The following CDCA2 variants were observed in gnomAD, a reference collection of about 807,000 sequenced individuals.
The protein encoded by CDCA2 is cell division cycle associated 2, also known as cell division cycle-associated protein 2.
CDCA2 carries 44 observed loss-of-function variants against 67.0 expected under a neutral mutation model. That is an observed-to-expected ratio of 0.66 (90% confidence interval 0.52 to 0.84). The LOEUF (loss-of-function observed/expected upper bound fraction) is 0.84. CDCA2 is among the 40% of genes least tolerant of loss of function. The pLI, the probability that CDCA2 is intolerant of heterozygous loss-of-function variation, is 0.00. For missense variants in CDCA2, 1,253 were observed against 1,203.2 expected (o/e 1.04, Z -0.61); for synonymous variants, 447 against 418.7 (o/e 1.07, Z -0.82).
chr8:25,484,308 A>G, intron 10 of CDCA2, 98 bp downstream of exon 10: 1 of 1,421,380 alleles, frequency 7.0e-7, no homozygotes, highest in South Asian at 1.3e-5. Context: ...ATAATGAGAT[A>G]GACTAAATGA....
chr8:25,469,198 T>C (rs1803054275), intron 6 of CDCA2, among the ~76,000 whole-genome samples: 1 of 152,220 alleles, frequency 6.6e-6, no homozygotes, highest in African/African-American at 2.4e-5. Context: ...ACTTTCTCTG[T>C]CACTTAGATC....
intron 4 of CDCA2, among the ~76,000 whole-genome samples, chr8:25,465,399 A>G (rs1802860460): frequency 6.6e-6 from 1 of 152,234 alleles, no homozygotes; most frequent in Non-Finnish European, 1.5e-5. Context: ...ATAAAAAAAA[A>G]TCTAGATAGA....
intron 14 of CDCA2, among the ~76,000 whole-genome samples, chr8:25,504,562 A>G (rs1804602601): frequency 1.3e-5 from 2 of 152,186 alleles, no homozygotes; most frequent in Non-Finnish European, 2.9e-5. Flanking sequence ...GATTAATAAT[A>G]GACTTGAGGA....
At chr8:25,483,348 G>A (rs368990484) in intron 8 of CDCA2, 51 bp from the exon 9 acceptor site, 42 of 1,211,424 alleles carry the variant, frequency 3.5e-5, no homozygotes, top group East Asian at 7.6e-5. Context: ...TAATGATGAC[G>A]TCTATGTATT....
chr8:25,476,011 C>G (rs1257697762), intron 7 of CDCA2, among the ~76,000 whole-genome samples: 1 of 152,206 alleles, frequency 6.6e-6, no homozygotes, highest in East Asian at 1.9e-4. Flanking sequence ...GGGGAATTCT[C>G]TGTGTGTGGC....
intron 8 of CDCA2, 84 bp downstream of exon 8, chr8:25,480,208 A>T: frequency 9.0e-7 from 1 of 1,114,084 alleles, no homozygotes; most frequent in Non-Finnish European, 1.3e-6. Context: ...GTCATATATC[A>T]TGCTAGTTTA....
At chr8:25,472,669 A>G (rs1288234578) in intron 7 of CDCA2, among the ~76,000 whole-genome samples, 2 of 152,128 alleles carry the variant, frequency 1.3e-5, no homozygotes, top group Non-Finnish European at 2.9e-5. Context: ...TCAACAGATA[A>G]TTTTATAGTG....
In CDCA2 at chr8:25,479,974, G is replaced by A. The variant is rs376203746; in HGVS notation, c.882G>A (p.Thr294=). The change falls in exon 8 of 15, where the codon ACG becomes ACA. Residue 294 remains threonine (T), a synonymous_variant. Transcript: ENST00000330560. ...CAAGTGATGCCGTTTCGCCTGACACGTTCACAGCAGAAGTGAGCTCAGACG... is the reference window on the plus strand; with the variant it reads ...CAAGTGATGCCGTTTCGCCTGACACATTCACAGCAGAAGTGAGCTCAGACG... ...KGSSDAVSPD[T]FTAEVSSDAV... is the part of the protein sequence containing the mutation. The A allele has an allele frequency of 2.7e-5, 43 of 1,614,008 alleles. No homozygotes were observed. The highest frequency in any genetic ancestry group is 3.3e-5 in the Non-Finnish European group (39 of 1,180,046).
rs1803879311 is a variant in CDCA2, at chr8:25,488,687, C to T, written c.1669C>T (p.Gln557Ter). The change falls in exon 13 of 15, where the codon CAG becomes TAG. Residue 557 changes from glutamine to a stop codon, truncating the protein, a stop_gained and splice_region_variant. Transcript: ENST00000330560. LOFTEE classifies it high-confidence loss of function. Reference protein sequence around the residue: ...CTKRALPKKSQVLKSCRKKKG... With the variant: ...CTKRALPKKS ...AAAGAGAGCACTTCCTAAGAAGAGTCAGGTAAGCATGTGTTTAAAGATATA... is the reference window on the plus strand; with the variant it reads ...AAAGAGAGCACTTCCTAAGAAGAGTTAGGTAAGCATGTGTTTAAAGATATA... The T allele has an allele frequency of 6.2e-7, 1 of 1,601,518 alleles. No individual in the cohort carries two copies. The highest frequency in any genetic ancestry group is 1.3e-5 in the African/African-American group (1 of 74,156).
intron 13 of CDCA2, among the ~76,000 whole-genome samples, chr8:25,489,469 C>A (rs1223568452): frequency 1.3e-5 from 2 of 152,158 alleles, no homozygotes; most frequent in Non-Finnish European, 2.9e-5. Flanking sequence ...GATCCTTTTC[C>A]TTCCACCTCA....
chr8:25,480,166 T>C (rs754829855), intron 8 of CDCA2, 42 bp downstream of exon 8: 5 of 1,505,768 alleles, frequency 3.3e-6, no homozygotes, highest in Non-Finnish European at 4.6e-6. Flanking sequence ...TGAATAAAAA[T>C]GCATTTTGCT....
intron 3 of CDCA2, among the ~76,000 whole-genome samples, chr8:25,460,928 A>G (rs1405965139): frequency 3.3e-5 from 5 of 152,172 alleles, no homozygotes; most frequent in Non-Finnish European, 7.3e-5. Flanking sequence ...TTTAAGAGCA[A>G]TTAAGAAAAT....
At chr8:25,495,107 A>C (rs561413447) in intron 13 of CDCA2, among the ~76,000 whole-genome samples, 1 of 152,356 alleles carries the variant, frequency 6.6e-6, no homozygotes, top group East Asian at 1.9e-4. Context: ...AGTAGAGTAC[A>C]CATATAGTTT....
chr8:25,461,781 A>G (rs1282765481), intron 3 of CDCA2, among the ~76,000 whole-genome samples: 1 of 152,234 alleles, frequency 6.6e-6, no homozygotes, highest in East Asian at 1.9e-4. Context: ...ACAAAAATGA[A>G]AACTTAAAAT....
chr8:25,459,998 T>C (rs1364856144), intron 1 of CDCA2, among the ~76,000 whole-genome samples: 1 of 152,232 alleles, frequency 6.6e-6, no homozygotes, highest in Admixed American at 6.5e-5. Flanking sequence ...AGATAATGGC[T>C]ACCTCATTTA....
At chr8:25,470,964 A>G (rs375909176) in intron 7 of CDCA2, among the ~76,000 whole-genome samples, 1 of 152,090 alleles carries the variant, frequency 6.6e-6, no homozygotes, top group East Asian at 1.9e-4. Flanking sequence ...ATTTTGCCAC[A>G]TTGGCCAGGC....
At chr8:25,468,190 C>A in intron 5 of CDCA2, 27 bp from the exon 6 acceptor site, 3 of 1,254,482 alleles carry the variant, frequency 2.4e-6, no homozygotes, top group South Asian at 1.6e-5. Flanking sequence ...ATGCCTGTGT[C>A]GTTTTGTTTT....
Position 25,483,476 on chromosome 8 carries a change from G to GA in CDCA2, c.1113dup (p.Glu372ArgfsTer5). ...CAAATCTCCCAAACTGTTGCAAAGA[G>GA]AAAGAAGCAGGTAAGAAATTCATAC... On this transcript the variant is annotated frameshift_variant, in exon 9 of 15. Transcript: ENST00000330560. LOFTEE classifies it high-confidence loss of function. 1 of 1,609,066 alleles carries GA rather than the reference G, an allele frequency of 6.2e-7. No individual in the cohort carries two copies. The highest frequency in any genetic ancestry group is 1.3e-5 in the African/African-American group (1 of 74,842).
Position 25,469,892 on chromosome 8 carries a change from C to G in CDCA2, c.736-4C>G. ...ATGTAATACTCTTTCAATTTTTCCC[C>G]AAGATATCATCTAAACTTGGTTCAA... On this transcript the variant is annotated splice_polypyrimidine_tract_variant and splice_region_variant and intron_variant, in intron 6 of 14. Coordinates refer to ENST00000330560, the MANE Select transcript of CDCA2 (RefSeq NM_152562.4). The G allele has an allele frequency of 6.3e-7, 1 of 1,597,228 alleles. No homozygotes were observed. The highest frequency in any genetic ancestry group is 8.6e-7 in the Non-Finnish European group (1 of 1,167,480).
Sources: allele counts gnomAD v4.1 joint callset (sites outside exome capture counted in the v4.1 genomes callset), GRCh38; gene constraint gnomAD v4.1.1; transcripts MANE v1.5; gene names NCBI Gene and HGNC (gene_info 2026-07-23, HGNC 2026-07-21).